Variants in DPP6 observed in about 807,000 individuals in gnomAD.
DPP6 encodes the protein dipeptidyl peptidase like 6, also known as A-type potassium channel modulatory protein DPP6.
Under a neutral mutation model 122.6 loss-of-function variants are expected in DPP6, and 69 were observed. That is an observed-to-expected ratio of 0.56 (90% CI 0.46 to 0.69). The LOEUF is 0.69. Among genes scored for constraint, DPP6 ranks in the 30% least tolerant of loss-of-function variants. DPP6 has a pLI of 0.00. For missense variants in DPP6, 928 were observed against 1,116.9 expected (o/e 0.83, Z 2.41); for synonymous variants, 418 against 433.1 (o/e 0.97, Z 0.43).
At chr7:154,745,607 A>G (rs1843002139) in intron 8 of DPP6, among the ~76,000 whole-genome samples, 1 of 152,224 alleles carries the variant, frequency 6.6e-6, no homozygotes. Context: ...AGGGTTCTAT[A>G]GCCTGTGCAA....
In DPP6 at chr7:154,166,964, C is replaced by T. The variant is rs1797283176; in HGVS notation, c.243+113901C>T. ...GAACCGAGATCACACCACTGCACTC[C>T]AGCCTGGGTGACTGTCTCAAAAAAC... On this transcript the variant is annotated intron_variant, in intron 1 of 25. Coordinates refer to ENST00000377770, the MANE Select transcript of DPP6 (RefSeq NM_130797.4). Among the ~76,000 whole-genome samples the T allele has an allele frequency of 2.0e-5, 3 of 148,712 alleles. No individual in the cohort carries two copies. In the South Asian group the frequency reaches 6.3e-4, roughly 31 times the overall value.
chr7:154,888,219 G>A (rs1806322138), intron 23 of DPP6, among the ~76,000 whole-genome samples: 1 of 151,660 alleles, frequency 6.6e-6, no homozygotes, highest in African/African-American at 2.4e-5. Context: ...CTCCCAAGTA[G>A]CTTGGATTAC....
intron 1 of DPP6, among the ~76,000 whole-genome samples, chr7:154,133,453 C>T (rs1795389527): frequency 6.6e-6 from 1 of 152,056 alleles, no homozygotes; most frequent in African/African-American, 2.4e-5. Context: ...GATAGGCTGC[C>T]CATCCTCAGG....
Position 154,361,887 on chromosome 7 carries a change from C to T in DPP6, c.244-84327C>T, listed in dbSNP as rs547782928. ...ACTTGCCCAAAGTCATAGAGGGTAT[C>T]GACTTATCGACTGCACTGCTGAGTT... On this transcript the variant is annotated intron_variant, in intron 1 of 25. Coordinates refer to ENST00000377770, the MANE Select transcript of DPP6 (RefSeq NM_130797.4). Among the ~76,000 whole-genome samples the T allele has an allele frequency of 4.6e-5, 7 of 152,286 alleles. No homozygotes were observed. In the South Asian group the frequency reaches 6.2e-4, roughly 14 times the overall value.
chr7:154,608,131 C>T (rs1316389370), intron 5 of DPP6, among the ~76,000 whole-genome samples: 1 of 149,406 alleles, frequency 6.7e-6, no homozygotes, highest in African/African-American at 2.5e-5. Flanking sequence ...AGGCATGTGC[C>T]ACCACACCTG....
At chr7:154,674,706 G>A (rs1034286662) in intron 7 of DPP6, among the ~76,000 whole-genome samples, 9 of 152,198 alleles carry the variant, frequency 5.9e-5, no homozygotes, top group African/African-American at 1.2e-4. Context: ...CGCAGAGAGC[G>A]TCAAAATGTG....
chr7:154,820,112 G>A (rs1371556520), intron 16 of DPP6, among the ~76,000 whole-genome samples: 1 of 152,224 alleles, frequency 6.6e-6, no homozygotes, highest in East Asian at 1.9e-4. Flanking sequence ...CATTCACGGA[G>A]GGAGTGGCTC....
chr7:154,741,195 G>A (rs1329384701), intron 8 of DPP6, among the ~76,000 whole-genome samples: 1 of 152,206 alleles, frequency 6.6e-6, no homozygotes, highest in African/African-American at 2.4e-5. Flanking sequence ...ATGCTCTTCT[G>A]TCTGGGTTAT....
rs1045220346 is a variant in DPP6 at position 154,602,011 on chromosome 7, A to G, written c.627+35095A>G. Among the ~76,000 whole-genome samples, 12 of 121,692 alleles carry G rather than the reference A, an allele frequency of 9.9e-5. 2 individuals carry two copies. Among genetic ancestry groups the G allele is most frequent in the African/African-American group, 3.1e-4 (12 of 38,236 alleles). The allele number at this position is 121,692 out of a possible 152,430, so 79.8% of individuals were successfully genotyped here. On this transcript the variant is annotated intron_variant, in intron 5 of 25. Coordinates refer to ENST00000377770, the MANE Select transcript of DPP6 (RefSeq NM_130797.4). ...TGCAAAAGTAATTGTGGTTCTTGCC[A>G]GTAAAAGTAATACTTGTTTCTTTAT...
At chr7:154,519,404 A>C (rs1742138945) in intron 3 of DPP6, among the ~76,000 whole-genome samples, 1 of 152,202 alleles carries the variant, frequency 6.6e-6, no homozygotes, top group Non-Finnish European at 1.5e-5. Flanking sequence ...CGCTACCAGG[A>C]GACGTCTGCC....
At chr7:154,311,497 C>CAAAAAAAAAAA (rs1423467022) in intron 1 of DPP6, among the ~76,000 whole-genome samples, 1 of 116,600 alleles carries the variant, frequency 8.6e-6, no homozygotes, top group African/African-American at 3.7e-5. Flanking sequence ...ACCCTGTCTC[C>CAAAAAAAAAAA]ACAAAAAAAA....
chr7:154,695,040 G>T (rs972961424), intron 7 of DPP6, among the ~76,000 whole-genome samples: 1 of 152,172 alleles, frequency 6.6e-6, no homozygotes, highest in African/African-American at 2.4e-5. Context: ...TTTATCCTCT[G>T]TTTTGTCATT....
chr7:154,735,212 C>T (rs904676666), intron 8 of DPP6, among the ~76,000 whole-genome samples: 20 of 152,212 alleles, frequency 1.3e-4, no homozygotes, highest in African/African-American at 2.4e-4. Flanking sequence ...CTTCTGTCCA[C>T]GTTTAGATTC....
At chr7:154,555,561 A>G (rs1182705444) in intron 4 of DPP6, among the ~76,000 whole-genome samples, 2 of 152,170 alleles carry the variant, frequency 1.3e-5, no homozygotes, top group Non-Finnish European at 2.9e-5. Context: ...GCACATGTAT[A>G]CATATGTAAC....
chr7:154,518,119 T>A (rs1826678635), intron 3 of DPP6, among the ~76,000 whole-genome samples: 1 of 152,270 alleles, frequency 6.6e-6, no homozygotes, highest in Non-Finnish European at 1.5e-5. Flanking sequence ...GAAGACCTGA[T>A]ATGCCATTCA....
chr7:154,347,455 T>A (rs1234678593), intron 1 of DPP6, among the ~76,000 whole-genome samples: 1 of 152,226 alleles, frequency 6.6e-6, no homozygotes, highest in East Asian at 1.9e-4. Flanking sequence ...TAAAGCATAA[T>A]CTTTATTTGA....
intron 1 of DPP6, among the ~76,000 whole-genome samples, chr7:154,255,066 A>C (rs1284576372): frequency 2.0e-5 from 3 of 152,178 alleles, no homozygotes; most frequent in Non-Finnish European, 4.4e-5. Context: ...ATAAAGATGT[A>C]GACAATTCTG....
At chr7:153,850,639 G>T in the DPP6 span, among the ~76,000 whole-genome samples, 1 of 152,162 alleles carries the variant, frequency 6.6e-6, no homozygotes, top group South Asian at 2.1e-4. Context: ...GTTCCACATG[G>T]CTGGGGAGTC....
intron 13 of DPP6, among the ~76,000 whole-genome samples, chr7:154,802,988 C>T (rs1798465089): frequency 6.6e-6 from 1 of 152,234 alleles, no homozygotes; most frequent in African/African-American, 2.4e-5. Flanking sequence ...GGCACCACCT[C>T]CTGCAGGTTC....
Sources: gnomAD v4.1 joint callset for allele counts (sites outside exome capture counted in the v4.1 genomes callset) on GRCh38, gnomAD v4.1.1 for gene constraint, MANE v1.5 for transcripts, NCBI Gene and HGNC (gene_info 2026-07-23, HGNC 2026-07-21) for gene names.